DERA: variants seen among roughly 807,000 people sequenced by gnomAD.
DERA encodes 2-deoxy-D-ribose 5-phosphate aldolase.
A neutral mutation model predicts 41.1 loss-of-function variants in DERA; 15 were observed. The observed-to-expected ratio is 0.37, with a 90% CI of 0.24 to 0.56. The LOEUF is 0.56. Among genes scored for constraint, DERA ranks in the 20% least tolerant of loss-of-function variants. The probability of loss-of-function intolerance (pLI) is 0.81; values close to 1 mark genes in which losing one functional copy is unlikely to be tolerated. For missense variants in DERA, 396 were observed against 403.4 expected, an observed-to-expected ratio of 0.98 and a Z score of 0.16; for synonymous variants, 139 against 137.4, an observed-to-expected ratio of 1.01 and a Z score of -0.08.
At chr12:15,946,993 T>C (rs1034419346) in intron 1 of DERA, among the ~76,000 whole-genome samples, 98 of 152,308 alleles carry the variant, frequency 6.4e-4, no homozygotes, top group African/African-American at 2.3e-3. Flanking sequence ...ACCCAGTAGT[T>C]ATTCAGGAGC....
intron 4 of DERA, among the ~76,000 whole-genome samples, chr12:15,962,247 C>T (rs1948593258): frequency 6.6e-6 from 1 of 152,218 alleles, no homozygotes; most frequent in Non-Finnish European, 1.5e-5. Context: ...GTGTGTTTTC[C>T]TCCTGCATTC....
chr12:15,932,404 C>G (rs537832047), intron 1 of DERA, among the ~76,000 whole-genome samples: 1 of 152,230 alleles, frequency 6.6e-6, no homozygotes, highest in African/African-American at 2.4e-5. Flanking sequence ...TCTCCCAGCA[C>G]TTTGGGAGGT....
chr12:15,916,036 T>C (rs970150735), intron 1 of DERA: 1 of 152,270 alleles, frequency 6.6e-6, no homozygotes, highest in Non-Finnish European at 1.5e-5. Flanking sequence ...CTGTTAATGT[T>C]ACTCTTTTAG....
In DERA at chr12:16,019,794, G is replaced by A. The variant is rs768368113; in HGVS notation, c.638-12748G>A. Among the ~76,000 whole-genome samples the A allele has an allele frequency of 6.6e-6, 1 of 152,044 alleles. No individual in the cohort carries two copies. The highest frequency in any genetic ancestry group is 1.5e-5 in the Non-Finnish European group (1 of 68,014). ...ATTCTTATTGATCATAATACTTACT[G>A]GGCATATGATATAGTTTGGATTTTT... On this transcript the variant is annotated intron_variant, in intron 6 of 8. Coordinates refer to ENST00000428559, the MANE Select transcript of DERA (RefSeq NM_015954.4). This position sits in a 1 kb window ranked among gnomAD's most constrained non-coding sequence, Gnocchi z 4.4.
chr12:15,925,890 C>T (rs183827121), intron 1 of DERA, among the ~76,000 whole-genome samples: 50 of 141,302 alleles, frequency 3.5e-4, no homozygotes, highest in African/African-American at 1.0e-3. Flanking sequence ...TACAATGGCA[C>T]GATCTCGGCT....
rs996820595 is a variant in DERA at position 15,983,904 on chromosome 12, T to C, written c.637+1468T>C. Among the ~76,000 whole-genome samples the C allele has an allele frequency of 3.9e-5, 6 of 152,192 alleles. No individual in the cohort carries two copies. The highest frequency in any genetic ancestry group is 1.4e-4 in the African/African-American group (6 of 41,454). ...CTAAGGATGAGAAGGGATGGAACAC[T>C]TTGAACAGTTGTTCATCAGTGATGT... On this transcript the variant is annotated intron_variant, in intron 6 of 8. Transcript: ENST00000428559. The surrounding 1 kb of genome is among the most constrained non-coding windows in gnomAD (Gnocchi z 6.2).
At position 15,918,479 on chromosome 12, in the gene DERA, C is replaced by T. The variant is rs1406436451; in HGVS notation, c.31+7065C>T. Reference sequence around the variant, plus strand: ...ACCCGGCTTGAATGACTACGTTGTTCACCTCCTCTTCAGTGCCCCACCCCA... The same window carrying T: ...ACCCGGCTTGAATGACTACGTTGTTTACCTCCTCTTCAGTGCCCCACCCCA... On this transcript the variant is annotated intron_variant, in intron 1 of 8. Transcript: ENST00000428559. This position sits in a 1 kb window ranked among gnomAD's most constrained non-coding sequence, Gnocchi z 4.3. Among the ~76,000 whole-genome samples the T allele has an allele frequency of 6.6e-6, 1 of 152,202 alleles. No homozygotes were observed. Among genetic ancestry groups the T allele is most frequent in the Non-Finnish European group, 1.5e-5 (1 of 68,042 alleles).
At position 16,035,473 on chromosome 12, in the gene DERA, TATTGTATATGGAAC is replaced by T. The variant is rs1311599139; in HGVS notation, c.751-756_751-743del. Among the ~76,000 whole-genome samples, 2 of 152,208 alleles carry T rather than the reference TATTGTATATGGAAC, an allele frequency of 1.3e-5. No individual in the cohort carries two copies. Among genetic ancestry groups the T allele is most frequent in the Non-Finnish European group, 2.9e-5 (2 of 68,046 alleles). On this transcript the variant is annotated intron_variant, in intron 7 of 8. Coordinates refer to ENST00000428559, the MANE Select transcript of DERA (RefSeq NM_015954.4). This position sits in a 1 kb window ranked among gnomAD's most constrained non-coding sequence, Gnocchi z 4.1. ...ATGTAAATCCAGATAATCAGAGTTT[TATTGTATATGGAAC>T]ATATCTTTCATTTCCTAATGGATCC...
intron 6 of DERA, among the ~76,000 whole-genome samples, chr12:16,007,029 A>G (rs1414974527): frequency 6.6e-6 from 1 of 152,194 alleles, no homozygotes; most frequent in Non-Finnish European, 1.5e-5. Context: ...TACCTCGCCG[A>G]TAGTAAGTGC....
At position 15,940,794 on chromosome 12, in the gene DERA, G is replaced by T. The variant is rs1387119618; in HGVS notation, c.32-16142G>T. 6.6e-6 allele frequency among the ~76,000 whole-genome samples: 1 copy of T among 152,168 alleles called. No homozygotes were observed. Among genetic ancestry groups the T allele is most frequent in the East Asian group, 1.9e-4 (1 of 5,202 alleles). On this transcript the variant is annotated intron_variant, in intron 1 of 8. Coordinates refer to ENST00000428559, the MANE Select transcript of DERA (RefSeq NM_015954.4). This position sits in a 1 kb window ranked among gnomAD's most constrained non-coding sequence, Gnocchi z 5.1. Reference sequence around the variant, plus strand: ...AATATGTGTTAAATTGCCATCTTTGGACACAGGCATCCTAACATAACTACT... The same window carrying T: ...AATATGTGTTAAATTGCCATCTTTGTACACAGGCATCCTAACATAACTACT...
At chr12:16,007,189 GTT>G (rs11287161) in intron 6 of DERA, among the ~76,000 whole-genome samples, 11 of 105,012 alleles carry the variant, frequency 1.0e-4, no homozygotes, top group African/African-American at 2.6e-4. Flanking sequence ...TTTTTTTTTT[GTT>G]TTTTTTTTTT....
intron 6 of DERA, among the ~76,000 whole-genome samples, chr12:16,027,507 G>T (rs1400822540): frequency 1.3e-5 from 2 of 152,170 alleles, no homozygotes; most frequent in Non-Finnish European, 2.9e-5. Context: ...TGACAAGTGT[G>T]TAAGAAAGAC....
chr12:16,006,454 G>A (rs767377279), intron 6 of DERA, among the ~76,000 whole-genome samples: 2 of 152,178 alleles, frequency 1.3e-5, no homozygotes, highest in Non-Finnish European at 2.9e-5. Flanking sequence ...AAGCCCAAAC[G>A]TTACCTATTA....
At position 16,011,776 on chromosome 12, in the gene DERA, C is replaced by A. The variant is rs1468564970; in HGVS notation, c.638-20766C>A. ...AATTGTATTTACGGATAGATGTTTT[C>A]ATTTTATACTGAGTCTAAAATACCT... On this transcript the variant is annotated intron_variant, in intron 6 of 8. Coordinates refer to ENST00000428559, the MANE Select transcript of DERA (RefSeq NM_015954.4). This position sits in a 1 kb window ranked among gnomAD's most constrained non-coding sequence, Gnocchi z 4.7. Among the ~76,000 whole-genome samples the A allele has an allele frequency of 6.6e-6, 1 of 152,104 alleles. No homozygotes were observed. The highest frequency in any genetic ancestry group is 1.5e-5 in the Non-Finnish European group (1 of 68,010).
chr12:15,918,572 A>G lies in DERA; in HGVS notation c.31+7158A>G, dbSNP rs747978706. On this transcript the variant is annotated intron_variant, in intron 1 of 8. Transcript: ENST00000428559. The surrounding 1 kb of genome is among the most constrained non-coding windows in gnomAD (Gnocchi z 4.3). Reference sequence around the variant, plus strand: ...TAATTTGTTTTTTTTAATTTTTAAAATGTAAATATATAAGAATATTTTAAA... The same window carrying G: ...TAATTTGTTTTTTTTAATTTTTAAAGTGTAAATATATAAGAATATTTTAAA... Among the ~76,000 whole-genome samples the G allele has an allele frequency of 2.6e-5, 4 of 152,208 alleles. No individual in the cohort carries two copies. The highest frequency in any genetic ancestry group is 4.4e-5 in the Non-Finnish European group (3 of 68,038).
At position 15,941,049 on chromosome 12, in the gene DERA, T is replaced by C. The variant is rs1000712067; in HGVS notation, c.32-15887T>C. On this transcript the variant is annotated intron_variant, in intron 1 of 8. Transcript: ENST00000428559. This position sits in a 1 kb window ranked among gnomAD's most constrained non-coding sequence, Gnocchi z 4.5. Reference sequence around the variant, plus strand: ...AGGTCATTGTAACTGATAGTTTTTGTTGTTGTTGTAGAATTAAAAAGCCTG... The same window carrying C: ...AGGTCATTGTAACTGATAGTTTTTGCTGTTGTTGTAGAATTAAAAAGCCTG... Among the ~76,000 whole-genome samples the C allele has an allele frequency of 6.6e-6, 1 of 152,304 alleles. No individual in the cohort carries two copies. The highest frequency in any genetic ancestry group is 2.4e-5 in the African/African-American group (1 of 41,564).
At chr12:16,032,521 T>G (rs1949099239) in intron 6 of DERA, 21 bp from the exon 7 acceptor site, 1 of 1,277,112 alleles carries the variant, frequency 7.8e-7, no homozygotes, top group African/African-American at 1.6e-5. Context: ...TAACATGGAG[T>G]TTTTCCTCTT....
intron 1 of DERA, among the ~76,000 whole-genome samples, chr12:15,912,129 A>G (rs1042857603): frequency 1.3e-5 from 2 of 151,938 alleles, no homozygotes; most frequent in Non-Finnish European, 2.9e-5. Flanking sequence ...CAAGTGAACA[A>G]AGGTCTCTGG....
In DERA at chr12:16,000,574, T is replaced by C. The variant is rs1199905771; in HGVS notation, c.637+18138T>C. 6.6e-6 allele frequency among the ~76,000 whole-genome samples: 1 copy of C among 152,202 alleles called. No individual in the cohort carries two copies. Among genetic ancestry groups the C allele is most frequent in the African/African-American group, 2.4e-5 (1 of 41,446 alleles). ...AAAAATTTATCACCAACTGGGGCAT[T>C]GAAAGTAAGTTTCCTATGTTACGCG... On this transcript the variant is annotated intron_variant, in intron 6 of 8. Transcript: ENST00000428559. The surrounding 1 kb of genome is among the most constrained non-coding windows in gnomAD (Gnocchi z 4.8).
Sources: gnomAD v4.1 joint callset for allele counts (sites outside exome capture counted in the v4.1 genomes callset) on GRCh38, gnomAD v4.1.1 for gene constraint, Gnocchi (gnomAD v3.1) non-coding constraint, MANE v1.5 for transcripts, NCBI Gene and HGNC (gene_info 2026-07-23, HGNC 2026-07-21) for gene names.